SYT10: variants seen among roughly 807,000 people sequenced by gnomAD.
SYT10 encodes the protein synaptotagmin 10, also known as synaptotagmin-10.
SYT10 carries 31 observed loss-of-function variants against 51.1 expected under a neutral mutation model. That is an observed-to-expected ratio of 0.61 (90% CI 0.46 to 0.82). SYT10 has a LOEUF of 0.82. Ranked by LOEUF, SYT10 falls within the 40% of genes least tolerant of loss-of-function variation. The probability of loss-of-function intolerance (pLI) is 0.00; values close to 1 mark genes in which losing one functional copy is unlikely to be tolerated. For missense variants in SYT10, 603 were observed against 634.0 expected (o/e 0.95, Z 0.53); for synonymous variants, 233 against 225.9 (o/e 1.03, Z -0.28).
At chr12:33,396,131 C>G (rs1182554355) in intron 3 of SYT10, among the ~76,000 whole-genome samples, 1 of 152,084 alleles carries the variant, frequency 6.6e-6, no homozygotes, top group African/African-American at 2.4e-5. Context: ...AAATCCTGCC[C>G]AGAATATGCC....
At chr12:33,427,104 C>T (rs1866559569) in intron 1 of SYT10, among the ~76,000 whole-genome samples, 1 of 151,968 alleles carries the variant, frequency 6.6e-6, no homozygotes, top group South Asian at 2.1e-4. Flanking sequence ...TGTGCTATGG[C>T]CTGAATTTTT....
chr12:33,384,894 G>A (rs2138387081), intron 4 of SYT10, among the ~76,000 whole-genome samples: 1 of 152,132 alleles, frequency 6.6e-6, no homozygotes, highest in African/African-American at 2.4e-5. Flanking sequence ...GGGAGTAGAT[G>A]GTAAATTATG....
intron 3 of SYT10, among the ~76,000 whole-genome samples, chr12:33,389,155 T>A (rs1468988429): frequency 6.6e-6 from 1 of 151,818 alleles, no homozygotes; most frequent in Non-Finnish European, 1.5e-5. Context: ...AAATATGGAG[T>A]TTGGAAACAT....
At chr12:33,389,229 A>T (rs1015706383) in intron 3 of SYT10, among the ~76,000 whole-genome samples, 1 of 152,130 alleles carries the variant, frequency 6.6e-6, no homozygotes, top group African/African-American at 2.4e-5. Context: ...TGTTGGTGAC[A>T]TGAAAGGGTG....
At chr12:33,402,398 T>A (rs1330495348) in intron 3 of SYT10, among the ~76,000 whole-genome samples, 1 of 152,198 alleles carries the variant, frequency 6.6e-6, no homozygotes, top group East Asian at 1.9e-4. Context: ...CAGAATTCTA[T>A]CATCATGGAA....
At chr12:33,389,252 A>T (rs1279945319) in intron 3 of SYT10, among the ~76,000 whole-genome samples, 3 of 152,154 alleles carry the variant, frequency 2.0e-5, no homozygotes, top group Admixed American at 1.3e-4. Context: ...AGCTTGGCAG[A>T]GTGGAAAGGG....
At chr12:33,407,446 C>A in intron 2 of SYT10, 90 bp from the exon 3 acceptor site, 2 of 1,349,062 alleles carry the variant, frequency 1.5e-6, no homozygotes, top group South Asian at 2.8e-5. Flanking sequence ...TCCCCACCCC[C>A]AGAATAGTGA....
intron 2 of SYT10, among the ~76,000 whole-genome samples, chr12:33,418,345 A>T (rs1231213005): frequency 6.6e-6 from 1 of 152,006 alleles, no homozygotes. Context: ...ACGCTCAGAA[A>T]TTTATCCTTT....
chr12:33,432,752 T>C (rs1393327463), intron 1 of SYT10: 2 of 152,092 alleles, frequency 1.3e-5, no homozygotes, highest in East Asian at 1.9e-4. Flanking sequence ...GTTTTAAAAA[T>C]TGACTGTCAT....
At chr12:33,405,155 G>C (rs1866342099) in intron 3 of SYT10, 1 of 151,990 alleles carries the variant, frequency 6.6e-6, no homozygotes, top group African/African-American at 2.4e-5. Context: ...TGCAACCCTA[G>C]TACTTAGAGC....
chr12:33,414,155 C>G (rs1204049664), intron 2 of SYT10, among the ~76,000 whole-genome samples: 1 of 152,026 alleles, frequency 6.6e-6, no homozygotes, highest in Non-Finnish European at 1.5e-5. Context: ...ATATATGCAC[C>G]CAATACAGGA....
chr12:33,428,550 C>G (rs1395208045), intron 1 of SYT10, among the ~76,000 whole-genome samples: 1 of 152,116 alleles, frequency 6.6e-6, no homozygotes, highest in East Asian at 1.9e-4. Context: ...ACAAGTATAT[C>G]TTTAGTGAAT....
chr12:33,382,327 G>T, intron 5 of SYT10, 22 bp downstream of exon 5: 3 of 1,529,256 alleles, frequency 2.0e-6, no homozygotes, highest in Non-Finnish European at 2.6e-6. Context: ...CTGCTCTTCA[G>T]TGAGAAGAGA....
At chr12:33,419,658 C>A (rs1164751015) in intron 2 of SYT10, among the ~76,000 whole-genome samples, 1 of 152,060 alleles carries the variant, frequency 6.6e-6, no homozygotes, top group Non-Finnish European at 1.5e-5. Flanking sequence ...AAATACTTAC[C>A]TTGACTTCTC....
intron 6 of SYT10, among the ~76,000 whole-genome samples, chr12:33,379,438 T>C (rs933317066): frequency 6.6e-5 from 10 of 151,420 alleles, no homozygotes; most frequent in African/African-American, 1.9e-4. Context: ...TGGAACACTT[T>C]AGGTAAGGTG....
intron 6 of SYT10, among the ~76,000 whole-genome samples, chr12:33,378,862 T>TTGTG (rs140920905): frequency 2.1e-5 from 3 of 143,534 alleles, no homozygotes; most frequent in Non-Finnish European, 3.1e-5. Context: ...GTAGATGCAT[T>TTGTG]TGTGTGTGTG....
At chr12:33,428,732 C>T (rs1394994392) in intron 1 of SYT10, among the ~76,000 whole-genome samples, 1 of 152,026 alleles carries the variant, frequency 6.6e-6, no homozygotes, top group Non-Finnish European at 1.5e-5. Flanking sequence ...CGATGAAACT[C>T]CGTCTCTACT....
intron 3 of SYT10, among the ~76,000 whole-genome samples, chr12:33,386,331 G>A (rs534133107): frequency 5.9e-5 from 9 of 152,036 alleles, no homozygotes; most frequent in African/African-American, 2.2e-4. Context: ...CACACATAAG[G>A]TTTATGTCAT....
At chr12:33,391,562 C>T (rs773840360) in intron 3 of SYT10, among the ~76,000 whole-genome samples, 1 of 152,066 alleles carries the variant, frequency 6.6e-6, no homozygotes, top group Non-Finnish European at 1.5e-5. Context: ...TCTAAATGGC[C>T]TCTCCTCAGG....
Sources: allele counts gnomAD v4.1 joint callset (sites outside exome capture counted in the v4.1 genomes callset), GRCh38; gene constraint gnomAD v4.1.1; transcripts MANE v1.5; gene names NCBI Gene and HGNC (gene_info 2026-07-23, HGNC 2026-07-21).